IFT74: variants seen among roughly 807,000 people sequenced by gnomAD.
The protein encoded by IFT74 is intraflagellar transport protein 74 homolog.
IFT74 carries 92 observed loss-of-function variants against 96.7 expected under a neutral mutation model. That is an observed-to-expected ratio of 0.95 (90% confidence interval 0.80 to 1.13). IFT74 has a LOEUF of 1.13. Among genes scored for constraint, IFT74 ranks in the 50% most tolerant of loss-of-function variants. The probability of loss-of-function intolerance (pLI) is 0.00; values close to 1 mark genes in which losing one functional copy is unlikely to be tolerated. For synonymous variants in IFT74, 223 were observed against 213.2 expected (o/e 1.05, Z -0.40); for missense variants, 811 against 698.2 (o/e 1.16, Z -1.82).
Position 26,997,886 on chromosome 9 carries a change from C to CACAGA in IFT74, c.587+7691_587+7692insACAGA, listed in dbSNP as rs746142477. On this transcript the variant is annotated intron_variant, in intron 8 of 19. Coordinates refer to ENST00000380062, the MANE Select transcript of IFT74 (RefSeq NM_025103.4). ...GCCTTGCAGATTCAGAAGTTTTAGGCTTCTTAGAGGCACAAATACATCAGC... is the reference window on the plus strand; with the variant it reads ...GCCTTGCAGATTCAGAAGTTTTAGGCACAGATTCTTAGAGGCACAAATACATCAGC... The CACAGA allele has an allele frequency of 2.5e-6, 4 of 1,614,114 alleles. No homozygotes were observed. In the African/African-American group the frequency reaches 5.3e-5, roughly 22 times the overall value.
chr9:27,009,025 A>C lies in IFT74; in HGVS notation c.593A>C (p.Glu198Ala), dbSNP rs761800746. 1.2e-6 allele frequency: 2 copies of C among 1,611,226 alleles called. No homozygotes were observed. The highest frequency in any genetic ancestry group is 2.7e-5 in the African/African-American group (2 of 74,890). The stretch of plus-strand genomic sequence containing the variant: ...TTACGTGCTTCTGATTTTAGGAAAG[A>C]AAAACAAATCAGAAGTGTCGAAGAA... Reference protein sequence around the residue: ...DVIFTERQAKEKQIRSVEEEI... With the variant: ...DVIFTERQAKAKQIRSVEEEI... Residue 198 changes from glutamate to alanine, a missense_variant, in exon 9 of 20, where the codon GAA (glutamate) becomes GCA (alanine). Glu to Ala is a moderately radical substitution (Grantham distance 107, BLOSUM62 -1). Coordinates refer to ENST00000380062, the MANE Select transcript of IFT74 (RefSeq NM_025103.4).
chr9:26,981,678 C>T (rs1827381673), intron 4 of IFT74, among the ~76,000 whole-genome samples: 2 of 152,168 alleles, frequency 1.3e-5, no homozygotes, highest in African/African-American at 4.8e-5. Context: ...TCTCGGCCTT[C>T]CAAAGTGCTG....
chr9:26,947,248 G>T (rs931096845), intron 1 of IFT74: 3 of 572,470 alleles, frequency 5.2e-6, no homozygotes, highest in Admixed American at 7.2e-5. Context: ...AGCCTGACAG[G>T]CACTCCGGAA....
At chr9:26,982,304 C>A in intron 4 of IFT74, 1 of 386,600 alleles carries the variant, frequency 2.6e-6, no homozygotes, top group Non-Finnish European at 5.2e-6. Context: ...TTGCTTGTCA[C>A]CCAAGCTGGA....
chr9:26,988,639 G>A, intron 6 of IFT74, 30 bp from the exon 7 acceptor site: 1 of 1,515,474 alleles, frequency 6.6e-7, no homozygotes, highest in Non-Finnish European at 9.0e-7. Flanking sequence ...TAACAAAATG[G>A]TGTTTGTTTG....
chr9:26,957,047 A>G (rs1006940612), intron 1 of IFT74, among the ~76,000 whole-genome samples: 1 of 152,248 alleles, frequency 6.6e-6, no homozygotes, highest in Admixed American at 6.5e-5. Flanking sequence ...TTAAGGTGGC[A>G]AGATTATGCA....
intron 18 of IFT74, among the ~76,000 whole-genome samples, chr9:27,058,701 C>T (rs1820285059): frequency 6.6e-6 from 1 of 152,132 alleles, no homozygotes; most frequent in Non-Finnish European, 1.5e-5. Flanking sequence ...GGTGACATTT[C>T]TATAGCATTA....
At chr9:27,045,651 A>C (rs1002068662) in intron 14 of IFT74, among the ~76,000 whole-genome samples, 1 of 152,090 alleles carries the variant, frequency 6.6e-6, no homozygotes, top group Admixed American at 6.6e-5. Context: ...AAAAATTGGC[A>C]TGTATTCTCA....
upstream of IFT74, among the ~76,000 whole-genome samples, chr9:26,955,511 G>C (rs1826052637): frequency 6.6e-6 from 1 of 152,126 alleles, no homozygotes; most frequent in Non-Finnish European, 1.5e-5. Flanking sequence ...TCCTGTAAGG[G>C]TGTTGGGGGG....
chr9:26,948,497 G>A lies in IFT74; in HGVS notation c.-20+1351G>A, dbSNP rs559579229. Reference sequence around the variant, plus strand: ...TTTTTTTTTTTTTTTTTGAGACGGAGTGTCGCTCTGCTGCCAGGCTGAGTG... The same window carrying A: ...TTTTTTTTTTTTTTTTTGAGACGGAATGTCGCTCTGCTGCCAGGCTGAGTG... On this transcript the variant is annotated intron_variant, in intron 1 of 19. Transcript: ENST00000433700. 7.9e-5 allele frequency among the ~76,000 whole-genome samples: 6 copies of A among 75,532 alleles called. No individual in the cohort carries two copies. The South Asian group carries it at 2.6e-3, about 33-fold the overall frequency. 49.6% of individuals were successfully genotyped at this position (75,532 alleles called of 152,430 possible).
At chr9:27,033,331 G>A (rs894047707) in intron 13 of IFT74, among the ~76,000 whole-genome samples, 2 of 151,990 alleles carry the variant, frequency 1.3e-5, no homozygotes, top group Non-Finnish European at 2.9e-5. Context: ...GCTGAGGGGG[G>A]TGGATTGCTT....
intron 1 of IFT74, among the ~76,000 whole-genome samples, chr9:26,960,797 G>A (rs1490985814): frequency 1.3e-5 from 2 of 151,966 alleles, no homozygotes; most frequent in Non-Finnish European, 2.9e-5. Flanking sequence ...TCCAGATGAT[G>A]ACAAGCTCCA....
At chr9:27,014,208 C>T (rs1829240836) in intron 10 of IFT74, among the ~76,000 whole-genome samples, 1 of 152,184 alleles carries the variant, frequency 6.6e-6, no homozygotes. Flanking sequence ...GAGCAAGATT[C>T]TGTCTAAAAA....
chr9:26,992,257 T>G (rs373672126), intron 8 of IFT74, among the ~76,000 whole-genome samples: 1 of 150,442 alleles, frequency 6.6e-6, no homozygotes, highest in African/African-American at 2.5e-5. Context: ...ATCTATTTGG[T>G]TTTTTTTATT....
chr9:27,061,146 TGTG>T (rs1037017566), intron 19 of IFT74, among the ~76,000 whole-genome samples: 2 of 22,284 alleles, frequency 9.0e-5, no homozygotes, highest in African/African-American at 6.1e-4. Flanking sequence ...AGTTAAGAGG[TGTG>T]TGTGTGTGTG....
chr9:26,955,111 T>G (rs374544103), upstream of IFT74, among the ~76,000 whole-genome samples: 73 of 152,246 alleles, frequency 4.8e-4, no homozygotes, highest in African/African-American at 1.5e-3. Context: ...GGTCCTTAAG[T>G]GCAAGGAACA....
intron 16 of IFT74, among the ~76,000 whole-genome samples, chr9:27,054,283 G>T (rs935815176): frequency 6.6e-6 from 1 of 152,074 alleles, no homozygotes; most frequent in African/African-American, 2.4e-5. Context: ...GTTTTTGCTG[G>T]AACACTTTTA....
chr9:26,951,896 A>C (rs545943959), upstream of IFT74, among the ~76,000 whole-genome samples: 1 of 151,394 alleles, frequency 6.6e-6, no homozygotes, highest in Non-Finnish European at 1.5e-5. Context: ...AGACTCTCTC[A>C]AAAAAAAACA....
intron 13 of IFT74, among the ~76,000 whole-genome samples, chr9:27,032,372 G>C (rs867418073): frequency 6.6e-6 from 1 of 152,144 alleles, no homozygotes; most frequent in South Asian, 2.1e-4. Context: ...CATGTTCAAC[G>C]TGCCATTCAT....
Sources: gnomAD v4.1 joint callset for allele counts (sites outside exome capture counted in the v4.1 genomes callset) on GRCh38, gnomAD v4.1.1 for gene constraint, MANE v1.5 for transcripts, NCBI Gene and HGNC (gene_info 2026-07-23, HGNC 2026-07-21) for gene names.